Variants in KIAA1549L observed in about 807,000 individuals in gnomAD.
The protein encoded by KIAA1549L is KIAA1549 like.
Under a neutral mutation model 160.7 loss-of-function variants are expected in KIAA1549L, and 88 were observed. That is an observed-to-expected ratio of 0.55 (90% CI 0.46 to 0.65). The LOEUF is 0.65. Among genes scored for constraint, KIAA1549L ranks in the 30% least tolerant of loss-of-function variants. The pLI, the probability that KIAA1549L is intolerant of heterozygous loss-of-function variation, is 0.00. For missense variants in KIAA1549L, 2,258 were observed against 2,437.5 expected (o/e 0.93, Z 1.55); for synonymous variants, 950 against 976.7 (o/e 0.97, Z 0.51).
At chr11:33,377,966 G>C (rs1849990506) in intron 1 of KIAA1549L, among the ~76,000 whole-genome samples, 2 of 152,164 alleles carry the variant, frequency 1.3e-5, no homozygotes. Flanking sequence ...GCGAGTTACT[G>C]TCAGATAATG....
At chr11:33,597,831 G>A (rs1231833734) in intron 12 of KIAA1549L, among the ~76,000 whole-genome samples, 2 of 152,216 alleles carry the variant, frequency 1.3e-5, no homozygotes, top group Admixed American at 6.5e-5. Context: ...GGAGGAGGGG[G>A]AGCCTGGCTT....
chr11:33,432,783 A>C (rs1054352114), intron 1 of KIAA1549L, among the ~76,000 whole-genome samples: 1 of 152,230 alleles, frequency 6.6e-6, no homozygotes, highest in African/African-American at 2.4e-5. Flanking sequence ...AACACCACAC[A>C]TCTACAACCA....
intron 1 of KIAA1549L, among the ~76,000 whole-genome samples, chr11:33,429,226 C>T (rs1851183035): frequency 6.6e-6 from 1 of 152,194 alleles, no homozygotes; most frequent in Non-Finnish European, 1.5e-5. Flanking sequence ...CCCACCTCGG[C>T]CTCCCAAAGT....
At chr11:33,570,804 A>G (rs1438740277) in intron 9 of KIAA1549L, among the ~76,000 whole-genome samples, 4 of 152,228 alleles carry the variant, frequency 2.6e-5, no homozygotes, top group Non-Finnish European at 5.9e-5. Context: ...CTTAATTTGT[A>G]ATCGAAGTAA....
chr11:33,543,772 C>G lies in KIAA1549L; in HGVS notation c.2209C>G (p.His737Asp). ...AATTAGCACCACAAGTTGGGAAACTCATTTAGCTCCAACAGCTCCTCCCAA... is the reference window on the plus strand; with the variant it reads ...AATTAGCACCACAAGTTGGGAAACTGATTTAGCTCCAACAGCTCCTCCCAA... ...HTISTTSWETHLAPTAPPNGL... is the reference protein window; with the variant it reads ...HTISTTSWETDLAPTAPPNGL... Residue 737 changes from histidine to aspartate, a missense_variant, in exon 2 of 21, where the codon CAT becomes GAT. Physicochemically the swap from His to Asp is moderately conservative, Grantham distance 81. This residue lies in a region of KIAA1549L where 287 missense variants were observed against 292.3 expected (regional missense o/e 0.98). Transcript: ENST00000658780. The G allele has an allele frequency of 6.2e-7, 1 of 1,614,046 alleles. No individual in the cohort carries two copies. Among genetic ancestry groups the G allele is most frequent in the Middle Eastern group, 1.6e-4 (1 of 6,062 alleles).
chr11:33,475,126 G>A (rs1852256476), intron 1 of KIAA1549L, among the ~76,000 whole-genome samples: 1 of 152,180 alleles, frequency 6.6e-6, no homozygotes, highest in Non-Finnish European at 1.5e-5. Flanking sequence ...TTTCTGAGCA[G>A]AGGGGGCCAG....
At chr11:33,617,122 T>G (rs1325888410) in intron 15 of KIAA1549L, among the ~76,000 whole-genome samples, 1 of 146,756 alleles carries the variant, frequency 6.8e-6, no homozygotes, top group Non-Finnish European at 1.5e-5. Context: ...GGTGACAGAT[T>G]GAGATTCTAT....
In KIAA1549L at chr11:33,574,840, A is replaced by G. The variant is rs1855392401; in HGVS notation, c.4369A>G (p.Thr1457Ala). ...STIDSQRMAL[T>A]LHHVVLLQAD... Reference sequence around the variant, plus strand: ...CATTGATTCCCAAAGGATGGCCTTGACCCTTCATCACGTTGTCCTTCTGCA... The same window carrying G: ...CATTGATTCCCAAAGGATGGCCTTGGCCCTTCATCACGTTGTCCTTCTGCA... The change falls in exon 10 of 21, where the codon ACC (threonine) becomes GCC (alanine). Residue 1457 changes from threonine to alanine, a missense_variant. Around this residue, in one of 6 missense-constraint regions of KIAA1549L, gnomAD observed 1,359 missense variants for 1,546.6 expected, o/e 0.88. Coordinates refer to ENST00000658780, the MANE Select transcript of KIAA1549L (RefSeq NM_012194.3). 3 of 1,613,954 alleles carry G rather than the reference A, an allele frequency of 1.9e-6. No homozygotes were observed. The highest frequency in any genetic ancestry group is 2.5e-6 in the Non-Finnish European group (3 of 1,179,850).
At chr11:33,621,428 A>G (rs1292809310) in intron 16 of KIAA1549L, among the ~76,000 whole-genome samples, 3 of 152,220 alleles carry the variant, frequency 2.0e-5, no homozygotes, top group Non-Finnish European at 2.9e-5. Flanking sequence ...AGAAGGACAC[A>G]TTCCCATTAG....
chr11:33,476,610 C>G (rs1021014061), intron 1 of KIAA1549L, among the ~76,000 whole-genome samples: 1 of 152,186 alleles, frequency 6.6e-6, no homozygotes, highest in African/African-American at 2.4e-5. Context: ...CTCTTCGTAG[C>G]TCCTACACTT....
intron 8 of KIAA1549L, among the ~76,000 whole-genome samples, chr11:33,567,641 T>C (rs912475679): frequency 6.6e-6 from 1 of 152,146 alleles, no homozygotes; most frequent in African/African-American, 2.4e-5. Context: ...AGACCTTGAG[T>C]GGAAACCAGC....
rs150788611 is a variant in KIAA1549L, at chr11:33,411,599, G to A, written c.238+34710G>A. On this transcript the variant is annotated intron_variant, in intron 1 of 20. Transcript: ENST00000658780. ...GTTTGTTTGTTTTGTTCAGCTTTTCGTTTTTGTTTTGCTGATTTGTGAAAT... is the reference window on the plus strand; with the variant it reads ...GTTTGTTTGTTTTGTTCAGCTTTTCATTTTTGTTTTGCTGATTTGTGAAAT... Among the ~76,000 whole-genome samples the A allele has an allele frequency of 6.4e-4, 98 of 152,290 alleles. 4 individuals carry two copies. The East Asian group carries it at 0.013, about 20-fold the overall frequency.
intron 1 of KIAA1549L, among the ~76,000 whole-genome samples, chr11:33,499,768 C>G (rs2133084231): frequency 6.6e-6 from 1 of 152,330 alleles, no homozygotes; most frequent in African/African-American, 2.4e-5. Flanking sequence ...TTCCTCAGAA[C>G]CATTTATTTG....
Position 33,544,748 on chromosome 11 carries a change from G to A in KIAA1549L, c.2774-19G>A. 1.3e-6 allele frequency: 2 copies of A among 1,559,974 alleles called. No homozygotes were observed. The highest frequency in any genetic ancestry group is 1.7e-6 in the Non-Finnish European group (2 of 1,152,308). On this transcript the variant is annotated intron_variant, in intron 2 of 20. Transcript: ENST00000658780. ...GCATTCCAAGCCAATGACAAACTTT[G>A]TTTTTTCTCTCTTTACAGCGGACAC...
At chr11:33,439,918 A>G (rs1294945436) in intron 1 of KIAA1549L, among the ~76,000 whole-genome samples, 1 of 151,862 alleles carries the variant, frequency 6.6e-6, no homozygotes, top group East Asian at 1.9e-4. Flanking sequence ...TAGCTAGCTT[A>G]TTTCTTTTAA....
intron 1 of KIAA1549L, among the ~76,000 whole-genome samples, chr11:33,472,569 G>A (rs972328127): frequency 3.9e-5 from 6 of 152,076 alleles, no homozygotes; most frequent in Non-Finnish European, 7.3e-5. Context: ...AATACTAAGC[G>A]AGAAAGTCAT....
rs538703261 is a variant in KIAA1549L, at chr11:33,414,525, A to T, written c.238+37636A>T. On this transcript the variant is annotated intron_variant, in intron 1 of 20. Transcript: ENST00000658780. Reference sequence around the variant, plus strand: ...TTCTTTGAATAAATTCCTGGAATAGAGGTACTGGATCAAACGGAGTGCACA... The same window carrying T: ...TTCTTTGAATAAATTCCTGGAATAGTGGTACTGGATCAAACGGAGTGCACA... Among the ~76,000 whole-genome samples, 5 of 152,294 alleles carry T rather than the reference A, an allele frequency of 3.3e-5. No individual in the cohort carries two copies. In the South Asian group the frequency reaches 1.0e-3, roughly 32 times the overall value.
intron 1 of KIAA1549L, among the ~76,000 whole-genome samples, chr11:33,398,984 G>C (rs1338476439): frequency 7.1e-6 from 1 of 141,790 alleles, no homozygotes; most frequent in Non-Finnish European, 1.5e-5. Flanking sequence ...ATGGAGTCTT[G>C]CTCTGTCACC....
rs1338288340 is a variant in KIAA1549L at position 33,553,152 on chromosome 11, C to T, written c.3855+911C>T. Among the ~76,000 whole-genome samples, 4 of 152,216 alleles carry T rather than the reference C, an allele frequency of 2.6e-5. No individual in the cohort carries two copies. In the South Asian group the frequency reaches 8.3e-4, roughly 32 times the overall value. On this transcript the variant is annotated intron_variant, in intron 6 of 20. Transcript: ENST00000658780. ...TAAACAGCCCTTTTAAACATTTAAA[C>T]AGCCCTTTTAAAAATTTTTTAATTA...
Sources: allele counts gnomAD v4.1 joint callset (sites outside exome capture counted in the v4.1 genomes callset), GRCh38; gene constraint gnomAD v4.1.1; regional missense constraint gnomAD v4.1.1; transcripts MANE v1.5; gene names NCBI Gene and HGNC (gene_info 2026-07-23, HGNC 2026-07-21).